Variants in ZBTB8A observed in about 807,000 individuals in gnomAD.
ZBTB8A encodes zinc finger and BTB domain-containing protein 8A.
In ZBTB8A, 19 loss-of-function variants were observed where a neutral mutation model predicts 37.8. That is an observed-to-expected ratio of 0.50 (90% CI 0.35 to 0.74). ZBTB8A has a LOEUF of 0.74. ZBTB8A is among the 30% of genes least tolerant of loss of function. The pLI, the probability that ZBTB8A is intolerant of heterozygous loss-of-function variation, is 0.01. For missense variants in ZBTB8A, 394 were observed against 537.8 expected (o/e 0.73, Z 2.65); for synonymous variants, 181 against 185.2 (o/e 0.98, Z 0.19).
At chr1:32,580,550 G>GAAA (rs112268131) in intron 2 of ZBTB8A, among the ~76,000 whole-genome samples, 1 of 136,886 alleles carries the variant, frequency 7.3e-6, no homozygotes, top group Admixed American at 7.5e-5. Context: ...GATTCTGTCT[G>GAAA]AAAAAAAAAA....
intron 2 of ZBTB8A, among the ~76,000 whole-genome samples, chr1:32,564,870 A>G (rs1644267489): frequency 6.6e-6 from 1 of 152,192 alleles, no homozygotes; most frequent in Admixed American, 6.6e-5. Context: ...ATCCTCAGAG[A>G]TCATACAGTC....
intron 2 of ZBTB8A, among the ~76,000 whole-genome samples, chr1:32,586,218 C>T (rs537030017): frequency 1.7e-4 from 26 of 152,010 alleles, no homozygotes; most frequent in African/African-American, 5.8e-4. Flanking sequence ...ACTCAGGATG[C>T]TGAGGCAGGA....
intron 2 of ZBTB8A, among the ~76,000 whole-genome samples, chr1:32,567,475 G>C (rs558321724): frequency 6.6e-6 from 1 of 151,970 alleles, no homozygotes; most frequent in African/African-American, 2.4e-5. Context: ...AAATTCTTTT[G>C]TTTCTAGGTT....
intron 1 of ZBTB8A, 127 bp downstream of exon 1, chr1:32,539,699 G>GTTGGTGGGCAC (rs1489512875): frequency 1.1e-4 from 16 of 147,184 alleles, no homozygotes; most frequent in East Asian, 1.9e-4. Flanking sequence ...GGCCCCGGGC[G>GTTGGTGGGCAC]CGCCTCCCCC....
chr1:32,580,855 G>A (rs1038679990), intron 2 of ZBTB8A, among the ~76,000 whole-genome samples: 47 of 151,688 alleles, frequency 3.1e-4, no homozygotes, highest in Non-Finnish European at 5.4e-4. Flanking sequence ...CCCATGGCAA[G>A]GAAGCACAGG....
At chr1:32,543,711 C>G (rs1223180447) in intron 1 of ZBTB8A, among the ~76,000 whole-genome samples, 1 of 152,006 alleles carries the variant, frequency 6.6e-6, no homozygotes, top group Non-Finnish European at 1.5e-5. Flanking sequence ...AAGTCTCGTT[C>G]TGTCACCCAG....
intron 2 of ZBTB8A, among the ~76,000 whole-genome samples, chr1:32,569,386 C>CTTTTTT (rs563715372): frequency 2.3e-3 from 187 of 82,274 alleles, no homozygotes; most frequent in Non-Finnish European, 2.5e-3. Context: ...TTTTCCTTTC[C>CTTTTTT]TTTTTTTTTT....
intron 1 of ZBTB8A, among the ~76,000 whole-genome samples, chr1:32,550,996 C>T (rs1557701812): frequency 6.6e-6 from 1 of 151,002 alleles, no homozygotes; most frequent in African/African-American, 2.4e-5. Flanking sequence ...CCACCGTACA[C>T]ACCCAGTACG....
Position 32,586,356 on chromosome 1 carries a change from T to A in ZBTB8A, c.-1-6575T>A, listed in dbSNP as rs557354516. Among the ~76,000 whole-genome samples the A allele has an allele frequency of 1.6e-4, 24 of 152,274 alleles. No homozygotes were observed. In the South Asian group the frequency reaches 4.6e-3, roughly 29 times the overall value. On this transcript the variant is annotated intron_variant, in intron 2 of 4. Transcript: ENST00000373510. The stretch of plus-strand genomic sequence containing the variant: ...CTATTTCCTTATGTGTTTTAACATT[T>A]TTGAATCATTCATTCAACAGCATTA...
chr1:32,591,008 C>G (rs532939793), intron 2 of ZBTB8A, among the ~76,000 whole-genome samples: 13 of 151,848 alleles, frequency 8.6e-5, no homozygotes, highest in Admixed American at 6.6e-4. Context: ...ATTCTCCTGC[C>G]TCAGCCTCCC....
chr1:32,582,044 A>G (rs1168769018), intron 2 of ZBTB8A, among the ~76,000 whole-genome samples: 3 of 152,188 alleles, frequency 2.0e-5, no homozygotes, highest in Non-Finnish European at 4.4e-5. Context: ...ATTATTTATC[A>G]TATCAAAAAA....
rs116057955 is a variant in ZBTB8A, at chr1:32,582,729, G to A, written c.-1-10202G>A. 2.0e-3 allele frequency among the ~76,000 whole-genome samples: 305 copies of A among 152,128 alleles called. 2 individuals carry two copies. The highest frequency in any genetic ancestry group is 7.1e-3 in the African/African-American group (296 of 41,520). On this transcript the variant is annotated intron_variant, in intron 2 of 4. Coordinates refer to ENST00000373510, the MANE Select transcript of ZBTB8A (RefSeq NM_001040441.3). ...GCAATATTCCCAGATGTCTTGTTCC[G>A]CACTTGTCTGACATAACCATGCATA...
intron 2 of ZBTB8A, among the ~76,000 whole-genome samples, chr1:32,555,879 T>A (rs1423981510): frequency 6.6e-6 from 1 of 152,018 alleles, no homozygotes; most frequent in Non-Finnish European, 1.5e-5. Context: ...CTTCCCAATT[T>A]CTTGTTTCAA....
rs1644345680 is a variant in ZBTB8A, at chr1:32,574,466, A to T, written c.-1-18465A>T. Among the ~76,000 whole-genome samples, 3 of 152,100 alleles carry T rather than the reference A, an allele frequency of 2.0e-5. 1 individual carries two copies. Among genetic ancestry groups the T allele is most frequent in the Admixed American group, 1.3e-4 (2 of 15,238 alleles). ...TTAAAAATTAGCCAGGTGTGGTGGC[A>T]TGCACCTGTGGTCCTAGTTACTTGG... is the stretch of plus-strand genomic sequence containing the variant. On this transcript the variant is annotated intron_variant, in intron 2 of 4. Transcript: ENST00000373510.
intron 2 of ZBTB8A, among the ~76,000 whole-genome samples, chr1:32,592,131 A>G (rs1431621830): frequency 6.6e-6 from 1 of 152,144 alleles, no homozygotes; most frequent in Non-Finnish European, 1.5e-5. Context: ...GTGAGCCACC[A>G]CGCCTGGCTG....
At chr1:32,573,739 T>TG (rs1644340253) in intron 2 of ZBTB8A, among the ~76,000 whole-genome samples, 1 of 42,362 alleles carries the variant, frequency 2.4e-5, no homozygotes, top group African/African-American at 1.6e-4. Flanking sequence ...CAGCTAAAAC[T>TG]TTTTTTTTTT....
At chr1:32,591,614 A>G (rs2148249261) in intron 2 of ZBTB8A, among the ~76,000 whole-genome samples, 1 of 152,032 alleles carries the variant, frequency 6.6e-6, no homozygotes, top group South Asian at 2.1e-4. Context: ...AGAAGGCCTG[A>G]TTTATTGAAG....
intron 2 of ZBTB8A, among the ~76,000 whole-genome samples, chr1:32,557,951 A>G (rs1644215519): frequency 6.6e-6 from 1 of 152,206 alleles, no homozygotes; most frequent in South Asian, 2.1e-4. Flanking sequence ...CTCATAAGGA[A>G]AGGAGAATAT....
At chr1:32,580,903 G>A (rs1644398302) in intron 2 of ZBTB8A, among the ~76,000 whole-genome samples, 2 of 151,212 alleles carry the variant, frequency 1.3e-5, no homozygotes, top group African/African-American at 2.4e-5. Flanking sequence ...CAAACTCTTA[G>A]CAGGAGCCCA....
Sources: allele counts gnomAD v4.1 joint callset (sites outside exome capture counted in the v4.1 genomes callset), GRCh38; gene constraint gnomAD v4.1.1; transcripts MANE v1.5; gene names NCBI Gene and HGNC (gene_info 2026-07-23, HGNC 2026-07-21).